GABRB1: variants seen among roughly 807,000 people sequenced by gnomAD.
GABRB1 encodes the protein gamma-aminobutyric acid type A receptor subunit beta1, also known as gamma-aminobutyric acid receptor subunit beta-1.
In GABRB1, 17 loss-of-function variants were observed where a neutral mutation model predicts 51.6. That is an observed-to-expected ratio of 0.33 (90% CI 0.23 to 0.49). The LOEUF (loss-of-function observed/expected upper bound fraction) is 0.49. Among genes scored for constraint, GABRB1 ranks in the 20% least tolerant of loss-of-function variants. The pLI, the probability that GABRB1 is intolerant of heterozygous loss-of-function variation, is 0.99. For synonymous variants in GABRB1, 247 were observed against 218.9 expected (o/e 1.13, Z -1.14); for missense variants, 410 against 600.6 (o/e 0.68, Z 3.32).
intron 5 of GABRB1, among the ~76,000 whole-genome samples, chr4:47,336,289 G>A (rs947636044): frequency 5.3e-5 from 8 of 152,280 alleles, no homozygotes; most frequent in Admixed American, 3.3e-4. Flanking sequence ...AAGGTAATTA[G>A]TATACCTCAA....
chr4:47,356,788 G>A (rs1406126975), intron 5 of GABRB1, among the ~76,000 whole-genome samples: 1 of 151,984 alleles, frequency 6.6e-6, no homozygotes, highest in African/African-American at 2.4e-5. Context: ...TTTATTTGTT[G>A]TTGCTCTGTG....
intron 5 of GABRB1, among the ~76,000 whole-genome samples, chr4:47,402,476 A>G (rs1015065799): frequency 6.6e-6 from 1 of 152,236 alleles, no homozygotes; most frequent in Non-Finnish European, 1.5e-5. Flanking sequence ...AATTATTTTT[A>G]GATTTTTAAA....
At chr4:47,130,262 C>G (rs1716349632) in intron 3 of GABRB1, among the ~76,000 whole-genome samples, 1 of 151,654 alleles carries the variant, frequency 6.6e-6, no homozygotes, top group Admixed American at 6.6e-5. Flanking sequence ...TTGGGCTGGC[C>G]CCTGCCCACC....
At chr4:47,152,958 A>G (rs1717527652) in intron 3 of GABRB1, among the ~76,000 whole-genome samples, 1 of 151,960 alleles carries the variant, frequency 6.6e-6, no homozygotes, top group South Asian at 2.1e-4. Flanking sequence ...CTACTCGATC[A>G]TTTTGTATCC....
intron 3 of GABRB1, among the ~76,000 whole-genome samples, chr4:47,120,684 A>C (rs1300152593): frequency 6.6e-6 from 1 of 152,074 alleles, no homozygotes; most frequent in Non-Finnish European, 1.5e-5. Flanking sequence ...CTCTTTAATC[A>C]ACAGTTGATA....
At chr4:47,181,530 G>A (rs751126969) in intron 4 of GABRB1, among the ~76,000 whole-genome samples, 1 of 151,934 alleles carries the variant, frequency 6.6e-6, no homozygotes, top group African/African-American at 2.4e-5. Flanking sequence ...TCTAATTCTC[G>A]TTCCATCATT....
upstream of GABRB1, among the ~76,000 whole-genome samples, chr4:47,030,264 T>G (rs1015696208): frequency 6.6e-6 from 1 of 152,208 alleles, no homozygotes. Context: ...CTAGGTACAT[T>G]AGAATTTTTT....
chr4:47,396,255 A>T (rs960407753), intron 5 of GABRB1, among the ~76,000 whole-genome samples: 1 of 152,190 alleles, frequency 6.6e-6, no homozygotes, highest in South Asian at 2.1e-4. Flanking sequence ...GTTTCCCCTT[A>T]TCAAACCATC....
intron 5 of GABRB1, among the ~76,000 whole-genome samples, chr4:47,359,046 T>C (rs889984697): frequency 8.5e-5 from 13 of 152,210 alleles, no homozygotes; most frequent in East Asian, 5.8e-4. Context: ...CCACAAGCAA[T>C]AGGACAAGAA....
At chr4:47,106,660 T>G (rs1714983901) in intron 3 of GABRB1, among the ~76,000 whole-genome samples, 1 of 152,062 alleles carries the variant, frequency 6.6e-6, no homozygotes. Context: ...ACATTAACTC[T>G]GCATTTCCCT....
Position 47,326,858 on chromosome 4 carries a change from G to A in GABRB1, c.544+6649G>A, listed in dbSNP as rs114980852. 2.7e-3 allele frequency among the ~76,000 whole-genome samples: 407 copies of A among 152,278 alleles called. 2 individuals are homozygous for A. Among genetic ancestry groups the A allele is most frequent in the African/African-American group, 9.4e-3 (392 of 41,562 alleles). ...TGTCATAGCAATCCAAATGAACTGA[G>A]ACATCTATATCATAGTAGTATTTGT... is the stretch of plus-strand genomic sequence containing the variant. On this transcript the variant is annotated intron_variant, in intron 5 of 8. Coordinates refer to ENST00000295454, the MANE Select transcript of GABRB1 (RefSeq NM_000812.4).
intron 4 of GABRB1, among the ~76,000 whole-genome samples, chr4:47,180,122 A>T (rs1214691982): frequency 2.6e-5 from 4 of 151,988 alleles, no homozygotes; most frequent in Non-Finnish European, 5.9e-5. Context: ...CACTAGTCAC[A>T]ATCTTTTTTT....
At chr4:47,365,314 T>C (rs151168335) in intron 5 of GABRB1, among the ~76,000 whole-genome samples, 92 of 152,348 alleles carry the variant, frequency 6.0e-4, no homozygotes, top group African/African-American at 2.1e-3. Context: ...TTTCACTTTT[T>C]TGTTTGTTTG....
chr4:47,426,088 C>A lies in GABRB1; in HGVS notation c.*70C>A. 1.6e-6 allele frequency: 2 copies of A among 1,232,538 alleles called. No homozygotes were observed. 76.4% of individuals were successfully genotyped at this position (1,232,538 alleles called of 1,614,324 possible). A position where few individuals can be genotyped will look rare whatever the true frequency, so the allele number is the denominator to read the frequency against. ...GTTTTTTAACCTTACAGGTCCCCAA[C>A]AGCGATACTGCTGTTTCTCGAGGTA... is the stretch of plus-strand genomic sequence containing the variant. On this transcript the variant is annotated 3_prime_UTR_variant, in exon 9 of 9. Coordinates refer to ENST00000295454, the MANE Select transcript of GABRB1 (RefSeq NM_000812.4).
chr4:47,291,467 T>C (rs11731309), intron 4 of GABRB1, among the ~76,000 whole-genome samples: 2,972 of 152,276 alleles, frequency 0.02, 49 homozygotes, highest in Middle Eastern at 0.041. Flanking sequence ...GGGCACTGCC[T>C]AGTGAAGCTG....
chr4:47,121,118 G>A (rs1394333267), intron 3 of GABRB1, among the ~76,000 whole-genome samples: 1 of 152,102 alleles, frequency 6.6e-6, no homozygotes, highest in East Asian at 1.9e-4. Context: ...GCAAAGCTTA[G>A]TAAAACTCAG....
intron 3 of GABRB1, among the ~76,000 whole-genome samples, chr4:47,076,925 C>G (rs1482401084): frequency 6.6e-6 from 1 of 152,228 alleles, no homozygotes; most frequent in Admixed American, 6.5e-5. Flanking sequence ...CCTTGGCCCA[C>G]TGCTGAGATT....
intron 4 of GABRB1, among the ~76,000 whole-genome samples, chr4:47,188,503 C>A (rs1300878534): frequency 2.6e-5 from 4 of 151,822 alleles, no homozygotes; most frequent in African/African-American, 7.2e-5. Flanking sequence ...TGTTAGACTG[C>A]AATCAATAGT....
intron 3 of GABRB1, among the ~76,000 whole-genome samples, chr4:47,092,672 T>TTGGCTCAC (rs1222960371): frequency 6.6e-6 from 1 of 151,742 alleles, no homozygotes; most frequent in Non-Finnish European, 1.5e-5. Flanking sequence ...TGGCGCTCTC[T>TTGGCTCAC]TGGCTCACTG....
Sources: allele counts gnomAD v4.1 joint callset (sites outside exome capture counted in the v4.1 genomes callset), GRCh38; gene constraint gnomAD v4.1.1; transcripts MANE v1.5; gene names NCBI Gene and HGNC (gene_info 2026-07-23, HGNC 2026-07-21).